SLC26A1: variants seen among roughly 807,000 people sequenced by gnomAD.
SLC26A1 encodes the protein solute carrier family 26 member 1, also known as sulfate anion transporter 1.
Under a neutral mutation model 14.5 loss-of-function variants are expected in SLC26A1, and 18 were observed. That is an observed-to-expected ratio of 1.24 (90% CI 0.86 to 1.84). SLC26A1 has a LOEUF of 1.84. Among genes scored for constraint, SLC26A1 ranks in the 40% most tolerant of loss-of-function variants. The pLI, the probability that SLC26A1 is intolerant of heterozygous loss-of-function variation, is 0.00. For synonymous variants in SLC26A1, 505 were observed against 492.0 expected (o/e 1.03, Z -0.35); for missense variants, 1,049 against 1,020.0 (o/e 1.03, Z -0.39).
At chr4:990,953 C>G in intron 2 of SLC26A1, 175 bp downstream of exon 2, 1 of 635,884 alleles carries the variant, frequency 1.6e-6, no homozygotes, top group Non-Finnish European at 2.6e-6. Context: ...CTCTCCGCGT[C>G]GGTGCCTCGC....
intron 2 of SLC26A1, among the ~76,000 whole-genome samples, chr4:980,325 C>T (rs1327787598): frequency 6.6e-6 from 1 of 152,166 alleles, no homozygotes; most frequent in Non-Finnish European, 1.5e-5. Context: ...GTGGCTCACG[C>T]CTATAATCCC....
downstream of SLC26A1, among the ~76,000 whole-genome samples, chr4:983,459 C>T (rs1483871749): frequency 1.3e-5 from 2 of 152,216 alleles, no homozygotes; most frequent in South Asian, 2.1e-4. Flanking sequence ...TATTCCGGGG[C>T]GTTGTGCCCC....
rs753757723 is a variant in SLC26A1, at chr4:990,210, G to C, written c.729C>G (p.Gly243=). 4.5e-6 allele frequency: 7 copies of C among 1,563,434 alleles called. No homozygotes were observed. In the African/African-American group the frequency reaches 9.5e-5, roughly 21 times the overall value. Residue 243 remains glycine (G), a synonymous_variant, in exon 3 of 3, where the codon GGC becomes GGG. Coordinates refer to ENST00000398516, the MANE Select transcript of SLC26A1 (RefSeq NM_022042.4). ...GVRIPRHQGP[G]MVVLTWLSLL... ...GGCTCAGCCATGTGAGGACCACCAT[G>C]CCGGGCCCCTGGTGCCGCGGGATCC...
Position 987,667 on chromosome 4 carries a change from TAAG to T in SLC26A1, c.*1163_*1165del. 6.7e-7 allele frequency: 1 copy of T among 1,484,278 alleles called. No homozygotes were observed. Among genetic ancestry groups the T allele is most frequent in the Non-Finnish European group, 9.0e-7 (1 of 1,114,434 alleles). 91.9% of individuals were successfully genotyped at this position (1,484,278 alleles called of 1,614,324 possible). A position where few individuals can be genotyped will look rare whatever the true frequency, so the allele number is the denominator to read the frequency against. ...TGGGACCTCCCCACATTCCTGGCCC[TAAG>T]GGTCATTTTATTAGTCACTGAACGC... On this transcript the variant is annotated 3_prime_UTR_variant, in exon 3 of 3. Transcript: ENST00000398516.
chr4:986,004 T>G (rs532347265), downstream of SLC26A1, among the ~76,000 whole-genome samples: 12 of 152,284 alleles, frequency 7.9e-5, no homozygotes, highest in Admixed American at 5.9e-4. Context: ...GTCTCAGCCT[T>G]GAACTCCTAA....
At position 989,619 on chromosome 4, in the gene SLC26A1, G is replaced by T; in HGVS notation, c.1320C>A (p.Ser440Arg). ...TGACCACGATGACGCAGGCCAGCACGCTTCGCTGTAGGTCGTGGAACAGCG... is the reference window on the plus strand; with the variant it reads ...TGACCACGATGACGCAGGCCAGCACTCTTCGCTGTAGGTCGTGGAACAGCG... ...LAPLFHDLQR[S>R]VLACVIVVSL... Residue 440 changes from serine to arginine, a missense_variant, in exon 3 of 3, where the codon AGC (serine) becomes AGA (arginine). Ser to Arg is a moderately radical substitution (Grantham distance 110, BLOSUM62 -1). Transcript: ENST00000398516. 6.2e-7 allele frequency: 1 copy of T among 1,601,532 alleles called. No homozygotes were observed. The highest frequency in any genetic ancestry group is 1.1e-5 in the South Asian group (1 of 89,044).
intron 1 of SLC26A1, chr4:992,130 A>G (rs1205933320): frequency 2.1e-6 from 1 of 485,662 alleles, no homozygotes; most frequent in Non-Finnish European, 4.0e-6. Context: ...CTGGGCTGCC[A>G]CCACGCACAT....
At position 988,639 on chromosome 4, in the gene SLC26A1, G is replaced by A; in HGVS notation, c.*194C>T. 1 of 1,384,236 alleles carries A rather than the reference G, an allele frequency of 7.2e-7. No homozygotes were observed. 85.7% of individuals were successfully genotyped at this position (1,384,236 alleles called of 1,614,324 possible). ...TCGGAGGCAGAGGTTCTTGATTTCT[G>A]AGTGTTTGGGTCCTGCGTGTGATCA... On this transcript the variant is annotated 3_prime_UTR_variant, in exon 3 of 3. Coordinates refer to ENST00000398516, the MANE Select transcript of SLC26A1 (RefSeq NM_022042.4).
intron 2 of SLC26A1, chr4:979,605 T>C (rs1428004050): frequency 1.6e-5 from 23 of 1,445,288 alleles, no homozygotes; most frequent in Non-Finnish European, 1.6e-5. Context: ...GCCCACTGCC[T>C]CTCCAGTGCC....
At chr4:987,380 G>A, downstream of SLC26A1, 1 of 909,512 alleles carries the variant, frequency 1.1e-6, no homozygotes. Context: ...GCCCCCCGCC[G>A]TGTTTGTGGG....
rs749932178 is a variant in SLC26A1 at position 989,449 on chromosome 4, G to C, written c.1490C>G (p.Ser497Trp). ...GGTGCGGCCGGCCAGGCTGAGCAGC[G>C]AGAGGATGACGCCAGCCAGCAGCCC... ...EAGLLAGVIL[S>W]LLSLAGRTQR... is the part of the protein sequence containing the mutation. The change falls in exon 3 of 3, where the codon TCG becomes TGG. Residue 497 changes from serine (S) to tryptophan (W), a missense_variant. Ser to Trp is a radical substitution (Grantham distance 177). Coordinates refer to ENST00000398516, the MANE Select transcript of SLC26A1 (RefSeq NM_022042.4). The C allele has an allele frequency of 6.4e-7, 1 of 1,554,060 alleles. No homozygotes were observed. The highest frequency in any genetic ancestry group is 8.7e-7 in the Non-Finnish European group (1 of 1,149,248).
At position 991,596 on chromosome 4, in the gene SLC26A1, C is replaced by T; in HGVS notation, c.108G>A (p.Trp36Ter). Residue 36 changes from tryptophan (W) to a stop codon, truncating the protein, a stop_gained, in exon 2 of 3, where the codon TGG (tryptophan) becomes TGA (stop). Coordinates refer to ENST00000398516, the MANE Select transcript of SLC26A1 (RefSeq NM_022042.4). LOFTEE classifies it high-confidence loss of function. ...ACAGCACACTGCACGAGCAGCTGCACCACAGCCTGGCCTTCAGCATCTCAC... is the reference window on the plus strand; with the variant it reads ...ACAGCACACTGCACGAGCAGCTGCATCACAGCCTGGCCTTCAGCATCTCAC... ...GLREMLKARL[W>*]CSCSCSVLCV... 1.3e-6 allele frequency: 2 copies of T among 1,596,554 alleles called. No individual in the cohort carries two copies. Among genetic ancestry groups the T allele is most frequent in the Non-Finnish European group, 1.7e-6 (2 of 1,176,562 alleles).
chr4:990,150 G>A lies in SLC26A1; in HGVS notation c.789C>T (p.Asp263=), dbSNP rs972423931. The A allele has an allele frequency of 2.6e-6, 4 of 1,564,954 alleles. No individual in the cohort carries two copies. Among genetic ancestry groups the A allele is most frequent in the Admixed American group, 1.9e-5 (1 of 52,924 alleles). The change falls in exon 3 of 3, where the codon GAC becomes GAT. Residue 263 remains aspartate (D), a synonymous_variant. Coordinates refer to ENST00000398516, the MANE Select transcript of SLC26A1 (RefSeq NM_022042.4). ...LRGAGQANVC[D]VVTSTVCLAV... ...CCAGGCACACCGTGCTGGTGACCACGTCGCACACGTTGGCCTGCCCGGCGC... is the reference window on the plus strand; with the variant it reads ...CCAGGCACACCGTGCTGGTGACCACATCGCACACGTTGGCCTGCCCGGCGC...
At chr4:992,007 G>A (rs555288529) in intron 1 of SLC26A1, 10 of 645,220 alleles carry the variant, frequency 1.5e-5, no homozygotes, top group Admixed American at 1.5e-4. Flanking sequence ...GCTGAGGGGC[G>A]GCGTGGCGGC....
intron 1 of SLC26A1, 30 bp from the exon 2 acceptor site, chr4:991,760 G>A (rs1025397499): frequency 1.2e-5 from 18 of 1,529,398 alleles, no homozygotes; most frequent in Middle Eastern, 3.4e-4. Flanking sequence ...ATGGTCACAG[G>A]AGCCCCCGGA....
chr4:984,044 C>T (rs1285341806), downstream of SLC26A1, among the ~76,000 whole-genome samples: 12 of 152,242 alleles, frequency 7.9e-5, no homozygotes, highest in African/African-American at 2.2e-4. Context: ...AGGCTGGTCT[C>T]GAACTCCTGA....
chr4:982,515 G>A (rs1713575757), intron 2 of SLC26A1, among the ~76,000 whole-genome samples: 1 of 152,234 alleles, frequency 6.6e-6, no homozygotes, highest in Non-Finnish European at 1.5e-5. Flanking sequence ...GTGGACGGCT[G>A]CTGCTCCACC....
intron 1 of SLC26A1, chr4:992,578 C>CA: frequency 4.7e-6 from 1 of 214,760 alleles, no homozygotes; most frequent in Non-Finnish European, 9.4e-6. Context: ...CCAGACAGTT[C>CA]TGGGACGTGA....
At chr4:985,800 A>G (rs1713698684), downstream of SLC26A1, among the ~76,000 whole-genome samples, 1 of 152,176 alleles carries the variant, frequency 6.6e-6, no homozygotes, top group Non-Finnish European at 1.5e-5. Flanking sequence ...ATGTTAAGCA[A>G]TATTTTAACC....
Sources: allele counts gnomAD v4.1 joint callset (sites outside exome capture counted in the v4.1 genomes callset), GRCh38; gene constraint gnomAD v4.1.1; transcripts MANE v1.5; gene names NCBI Gene and HGNC (gene_info 2026-07-23, HGNC 2026-07-21).